Variants in CNN3 observed in about 807,000 individuals in gnomAD.
CNN3 encodes calponin-3.
A neutral mutation model predicts 39.0 loss-of-function variants in CNN3; 11 were observed. The observed-to-expected ratio is 0.28, with a 90% CI of 0.18 to 0.47. The LOEUF (loss-of-function observed/expected upper bound fraction) is 0.47. CNN3 is among the 20% of genes least tolerant of loss of function. The pLI, the probability that CNN3 is intolerant of heterozygous loss-of-function variation, is 0.99. For missense variants in CNN3, 266 were observed against 403.4 expected (o/e 0.66, Z 2.92); for synonymous variants, 101 against 138.3 (o/e 0.73, Z 1.89).
Position 94,902,225 on chromosome 1 carries a change from G to C in CNN3, c.280C>G (p.Gln94Glu). ...TCATGTGGCTTCATACCATAAGCCT[G>C]AATAGCTTTAATAAAGTTGCCAATA... ...ENIGNFIKAI[Q>E]AYGMKPHDIF... Residue 94 changes from glutamine (Q) to glutamate (E), a missense_variant, in exon 4 of 7, where the codon CAG becomes GAG. Transcript: ENST00000370206. The C allele has an allele frequency of 6.2e-7, 1 of 1,612,540 alleles. No homozygotes were observed. Among genetic ancestry groups the C allele is most frequent in the Non-Finnish European group, 8.5e-7 (1 of 1,178,688 alleles).
intron 1 of CNN3, among the ~76,000 whole-genome samples, chr1:94,910,597 T>C (rs1037420629): frequency 2.0e-5 from 3 of 152,184 alleles, no homozygotes; most frequent in Non-Finnish European, 4.4e-5. Flanking sequence ...CCTATAAACA[T>C]TTACTGAAGA....
intron 1 of CNN3, among the ~76,000 whole-genome samples, chr1:94,908,336 C>G: frequency 6.6e-6 from 1 of 152,168 alleles, no homozygotes; most frequent in African/African-American, 2.4e-5. Context: ...TGTTCCTGTG[C>G]CTGGGTCCAG....
chr1:94,908,943 G>C (rs931105250), intron 1 of CNN3, among the ~76,000 whole-genome samples: 3 of 149,330 alleles, frequency 2.0e-5, no homozygotes, highest in Non-Finnish European at 4.4e-5. Flanking sequence ...CCAGGAGTTC[G>C]AGACCAGCCA....
At chr1:94,902,284 T>C in intron 3 of CNN3, 26 bp from the exon 4 acceptor site, 1 of 1,587,306 alleles carries the variant, frequency 6.3e-7, no homozygotes, top group Non-Finnish European at 8.6e-7. Context: ...GTTTTATAAT[T>C]TCTGGAGCTA....
intron 1 of CNN3, among the ~76,000 whole-genome samples, chr1:94,922,449 A>G (rs1016978902): frequency 3.3e-5 from 5 of 152,234 alleles, no homozygotes; most frequent in African/African-American, 1.2e-4. Context: ...GTGCTAAACT[A>G]TATTGTAAAA....
chr1:94,906,107 C>T (rs538712437), intron 1 of CNN3, among the ~76,000 whole-genome samples: 146 of 152,212 alleles, frequency 9.6e-4, no homozygotes, highest in Non-Finnish European at 1.5e-3. Context: ...CTCGGCCTCC[C>T]GAATAGCTAG....
chr1:94,914,084 AAG>A (rs1478617774), intron 1 of CNN3, among the ~76,000 whole-genome samples: 1 of 152,160 alleles, frequency 6.6e-6, no homozygotes, highest in Non-Finnish European at 1.5e-5. Context: ...TAGAATATTT[AAG>A]AGTCTAACAA....
intron 1 of CNN3, among the ~76,000 whole-genome samples, chr1:94,918,172 C>T (rs1185534040): frequency 1.3e-5 from 2 of 152,172 alleles, no homozygotes; most frequent in Non-Finnish European, 2.9e-5. Flanking sequence ...CAGACTAATG[C>T]ACATGAATAT....
At chr1:94,923,281 A>C (rs760335691) in intron 1 of CNN3, among the ~76,000 whole-genome samples, 2 of 152,142 alleles carry the variant, frequency 1.3e-5, no homozygotes, top group Non-Finnish European at 2.9e-5. Flanking sequence ...GATGCATTCA[A>C]GGGCCTGGTT....
rs566666154 is a variant in CNN3 at position 94,903,028 on chromosome 1, A to C, written c.246+94T>G. Reference sequence around the variant, plus strand: ...CCGTAATCAAAAAGTTAAAAAAAAAAAAAACACAAAACCAAAAAACCAAAC... The same window carrying C: ...CCGTAATCAAAAAGTTAAAAAAAAACAAAACACAAAACCAAAAAACCAAAC... On this transcript the variant is annotated intron_variant, in intron 3 of 6. Coordinates refer to ENST00000370206, the MANE Select transcript of CNN3 (RefSeq NM_001839.5). 65 of 947,818 alleles carry C rather than the reference A, an allele frequency of 6.9e-5. No individual in the cohort carries two copies. The Admixed American group carries it at 1.2e-3, about 17-fold the overall frequency. 58.7% of individuals were successfully genotyped at this position (947,818 alleles called of 1,614,324 possible).
At chr1:94,899,281 A>G (rs1463181760) in intron 6 of CNN3, 90 bp downstream of exon 6, 6 of 1,374,352 alleles carry the variant, frequency 4.4e-6, no homozygotes, top group Non-Finnish European at 5.9e-6. Flanking sequence ...TACTCTAAAT[A>G]AACTATACAA....
At position 94,926,309 on chromosome 1, in the gene CNN3, G is replaced by A. The variant is rs1260860728; in HGVS notation, c.57+529C>T. Reference sequence around the variant, plus strand: ...AGATCGGAGACTGTGATGGGTCCCGGACCGGCTTCCGTTCCTCGGGGCCCC... The same window carrying A: ...AGATCGGAGACTGTGATGGGTCCCGAACCGGCTTCCGTTCCTCGGGGCCCC... On this transcript the variant is annotated intron_variant, in intron 1 of 6. Coordinates refer to ENST00000370206, the MANE Select transcript of CNN3 (RefSeq NM_001839.5). The surrounding 1 kb of genome is among the most constrained non-coding windows in gnomAD (Gnocchi z 4.2). Among the ~76,000 whole-genome samples the A allele has an allele frequency of 6.6e-6, 1 of 152,156 alleles. No homozygotes were observed. The highest frequency in any genetic ancestry group is 1.9e-4 in the East Asian group (1 of 5,172).
At chr1:94,908,276 T>C (rs1465319380) in intron 1 of CNN3, among the ~76,000 whole-genome samples, 2 of 152,232 alleles carry the variant, frequency 1.3e-5, no homozygotes, top group Non-Finnish European at 2.9e-5. Context: ...CATTCAGCGA[T>C]TGGCCTGCTC....
At position 94,897,480 on chromosome 1, in the gene CNN3, T is replaced by C. The variant is rs1323452406; in HGVS notation, c.*262A>G. The stretch of plus-strand genomic sequence containing the variant: ...CATAAAAGAACTGGCTGTACAAGAG[T>C]ACTCCCCTTTCACAGTATTCCTTTT... On this transcript the variant is annotated 3_prime_UTR_variant, in exon 7 of 7. Coordinates refer to ENST00000370206, the MANE Select transcript of CNN3 (RefSeq NM_001839.5). 1 of 372,816 alleles carries C rather than the reference T, an allele frequency of 2.7e-6. No homozygotes were observed. The highest frequency in any genetic ancestry group is 4.8e-6 in the Non-Finnish European group (1 of 206,490). The allele number at this position is 372,816 out of a possible 1,614,324, so 23.1% of individuals were successfully genotyped here. A position where few individuals can be genotyped will look rare whatever the true frequency, so the allele number is the denominator to read the frequency against.
At chr1:94,901,422 T>C (rs1171808987) in intron 5 of CNN3, among the ~76,000 whole-genome samples, 2 of 146,300 alleles carry the variant, frequency 1.4e-5, no homozygotes, top group Non-Finnish European at 3.0e-5. Context: ...AAAAAGACAA[T>C]ATGATTCAAT....
intron 3 of CNN3, 118 bp downstream of exon 3, chr1:94,903,004 C>T (rs564066606): frequency 5.4e-5 from 38 of 706,078 alleles, no homozygotes; most frequent in East Asian, 2.4e-4. Context: ...ATGTAAAAAC[C>T]GTAATCAAAA....
At chr1:94,913,419 C>T (rs946371609) in intron 1 of CNN3, among the ~76,000 whole-genome samples, 1 of 152,162 alleles carries the variant, frequency 6.6e-6, no homozygotes, top group African/African-American at 2.4e-5. Context: ...CACAGAGTTA[C>T]CTTGTCTACC....
At chr1:94,914,103 T>G (rs980600667) in intron 1 of CNN3, among the ~76,000 whole-genome samples, 1 of 152,206 alleles carries the variant, frequency 6.6e-6, no homozygotes, top group African/African-American at 2.4e-5. Context: ...ACAAACTCAT[T>G]CCCGCATTTG....
intron 1 of CNN3, among the ~76,000 whole-genome samples, chr1:94,912,225 T>C (rs1294177982): frequency 1.3e-5 from 2 of 152,200 alleles, no homozygotes. Context: ...AGAACACATA[T>C]AGTTTATAGT....
Sources: allele counts gnomAD v4.1 joint callset (sites outside exome capture counted in the v4.1 genomes callset), GRCh38; gene constraint gnomAD v4.1.1; non-coding constraint Gnocchi (gnomAD v3.1); transcripts MANE v1.5; gene names NCBI Gene and HGNC (gene_info 2026-07-23, HGNC 2026-07-21).